The following PRKCB variants were observed in gnomAD, a reference collection of about 807,000 sequenced individuals.
PRKCB encodes the protein protein kinase C beta type.
Under a neutral mutation model 81.5 loss-of-function variants are expected in PRKCB, and 13 were observed. The ratio of observed to expected loss-of-function variants is 0.16; its 90% confidence interval spans 0.10 to 0.25. The LOEUF (loss-of-function observed/expected upper bound fraction) is 0.25. PRKCB is among the 10% of genes least tolerant of loss of function. The probability of loss-of-function intolerance (pLI) is 1.00; values close to 1 mark genes in which losing one functional copy is unlikely to be tolerated. For synonymous variants in PRKCB, 335 were observed against 321.4 expected, an observed-to-expected ratio of 1.04 and a Z score of -0.45; for missense variants, 509 against 875.7, an observed-to-expected ratio of 0.58 and a Z score of 5.29.
At chr16:23,951,906 G>C (rs1009934105) in intron 2 of PRKCB, among the ~76,000 whole-genome samples, 22 of 152,070 alleles carry the variant, frequency 1.4e-4, no homozygotes, top group Non-Finnish European at 3.2e-4. Flanking sequence ...AATAGATATA[G>C]GTACCTTGTA....
chr16:23,979,913 G>A (rs545840112), intron 2 of PRKCB, among the ~76,000 whole-genome samples: 64 of 152,238 alleles, frequency 4.2e-4, no homozygotes, highest in African/African-American at 1.4e-3. Flanking sequence ...GTGAGATCCC[G>A]TCTCTAGAAA....
intron 2 of PRKCB, among the ~76,000 whole-genome samples, chr16:23,958,326 A>T (rs1567326009): frequency 6.6e-6 from 1 of 150,468 alleles, no homozygotes; most frequent in Non-Finnish European, 1.5e-5. Context: ...ACTTTTTGAG[A>T]TGGGATCTCA....
chr16:24,032,610 G>A (rs1965563838), intron 4 of PRKCB, among the ~76,000 whole-genome samples: 1 of 152,146 alleles, frequency 6.6e-6, no homozygotes, highest in African/African-American at 2.4e-5. Context: ...AGGATGGCTG[G>A]CTGTCATCTG....
chr16:24,125,692 G>A (rs1966842514), intron 9 of PRKCB, among the ~76,000 whole-genome samples: 1 of 152,110 alleles, frequency 6.6e-6, no homozygotes, highest in Non-Finnish European at 1.5e-5. Context: ...TCTCCGTCGT[G>A]GTCGCCACTG....
At chr16:24,116,528 C>T (rs1966739442) in intron 8 of PRKCB, among the ~76,000 whole-genome samples, 2 of 152,214 alleles carry the variant, frequency 1.3e-5, no homozygotes. Flanking sequence ...GTCCTCCCTT[C>T]CTGGGAACAA....
intron 13 of PRKCB, among the ~76,000 whole-genome samples, chr16:24,182,743 G>A (rs535874856): frequency 6.6e-6 from 1 of 152,252 alleles, no homozygotes; most frequent in South Asian, 2.1e-4. Context: ...AACTTCACCA[G>A]CCACACAGTT....
intron 14 of PRKCB, 23 bp downstream of exon 14, chr16:24,185,214 A>T (rs772179474): frequency 6.3e-7 from 1 of 1,599,390 alleles, no homozygotes; most frequent in Non-Finnish European, 8.6e-7. Context: ...TAAGTGATCG[A>T]TAAGAGAAGT....
intron 13 of PRKCB, among the ~76,000 whole-genome samples, 176 bp from the exon 14 acceptor site, chr16:24,184,935 C>T (rs183099299): frequency 6.6e-6 from 1 of 152,192 alleles, no homozygotes; most frequent in Non-Finnish European, 1.5e-5. Flanking sequence ...GTGACAGCCA[C>T]AGGTGTTTGC....
intron 2 of PRKCB, among the ~76,000 whole-genome samples, chr16:23,920,886 G>T (rs1468808753): frequency 1.3e-5 from 2 of 152,216 alleles, no homozygotes; most frequent in African/African-American, 4.8e-5. Context: ...CTGAGACCAG[G>T]TAATTTATAA....
At chr16:24,030,703 A>AC (rs1965539402) in intron 3 of PRKCB, among the ~76,000 whole-genome samples, 3 of 109,658 alleles carry the variant, frequency 2.7e-5, no homozygotes. Flanking sequence ...ACATAGTGAG[A>AC]CCCCCCTCTC....
chr16:23,869,106 A>C (rs1296684300), intron 2 of PRKCB: 3 of 453,830 alleles, frequency 6.6e-6, no homozygotes, highest in Admixed American at 4.7e-5. Context: ...ATACATGTCT[A>C]CTTGCAGAAG....
chr16:24,050,790 C>T (rs1965832052), intron 5 of PRKCB, among the ~76,000 whole-genome samples: 1 of 152,204 alleles, frequency 6.6e-6, no homozygotes, highest in Admixed American at 6.5e-5. Context: ...TTTCTGCATC[C>T]TGAGATGATA....
intron 5 of PRKCB, among the ~76,000 whole-genome samples, chr16:24,045,641 C>G (rs1965754349): frequency 6.6e-6 from 1 of 152,162 alleles, no homozygotes; most frequent in Non-Finnish European, 1.5e-5. Flanking sequence ...CACTGTGGGC[C>G]CTGGCTGCTC....
At chr16:23,882,025 C>CTTTCTTTCTCTTTCTTTCTTT (rs1597226197) in intron 2 of PRKCB, among the ~76,000 whole-genome samples, 3 of 18,328 alleles carry the variant, frequency 1.6e-4, no homozygotes, top group Non-Finnish European at 2.4e-4. Flanking sequence ...TTTCTTTCTT[C>CTTTCTTTCTCTTTCTTTCTTT]CTTCCTTCCT....
chr16:24,120,324 C>A (rs1268004393), intron 8 of PRKCB, among the ~76,000 whole-genome samples: 1 of 152,162 alleles, frequency 6.6e-6, no homozygotes, highest in Non-Finnish European at 1.5e-5. Flanking sequence ...GAGATTGGTG[C>A]ACTTTGCGGT....
chr16:23,865,671 G>T (rs1489282774), intron 2 of PRKCB, among the ~76,000 whole-genome samples: 1 of 150,576 alleles, frequency 6.6e-6, no homozygotes, highest in Non-Finnish European at 1.5e-5. Context: ...CCTAATGTAA[G>T]AAACAGAGCC....
rs372065643 is a variant in PRKCB, at chr16:24,035,632, G to A, written c.529+85G>A. On this transcript the variant is annotated intron_variant, in intron 5 of 16. Coordinates refer to ENST00000643927, the MANE Select transcript of PRKCB (RefSeq NM_002738.7). ...GGGAGGGTGGCGGAGGGGTGGGGCAGTCCAGTGGAGGGGTGGGGCAGTCCA... is the reference window on the plus strand; with the variant it reads ...GGGAGGGTGGCGGAGGGGTGGGGCAATCCAGTGGAGGGGTGGGGCAGTCCA... 29 of 1,020,870 alleles carry A rather than the reference G, an allele frequency of 2.8e-5. 3 individuals are homozygous for A. Among genetic ancestry groups the A allele is most frequent in the Admixed American group, 8.2e-5 (3 of 36,442 alleles). 63.2% of individuals were successfully genotyped at this position (1,020,870 alleles called of 1,614,324 possible).
intron 10 of PRKCB, among the ~76,000 whole-genome samples, chr16:24,164,125 G>A (rs1967306013): frequency 6.6e-6 from 1 of 152,186 alleles, no homozygotes; most frequent in African/African-American, 2.4e-5. Context: ...TCTGTTCATG[G>A]TATCTGATTA....
chr16:24,007,680 G>T (rs1435828955), intron 3 of PRKCB, among the ~76,000 whole-genome samples: 1 of 152,184 alleles, frequency 6.6e-6, no homozygotes, highest in Non-Finnish European at 1.5e-5. Context: ...CGAGCTGCTG[G>T]GACTTGAATG....
Sources: gnomAD v4.1 joint callset for allele counts (sites outside exome capture counted in the v4.1 genomes callset) on GRCh38, gnomAD v4.1.1 for gene constraint, MANE v1.5 for transcripts, NCBI Gene and HGNC (gene_info 2026-07-23, HGNC 2026-07-21) for gene names.